Variants in RAB32 observed in about 807,000 individuals in gnomAD.
The protein encoded by RAB32 is RAB32, member RAS oncogene family.
In RAB32, 17 loss-of-function variants were observed where a neutral mutation model predicts 17.5. The ratio of observed to expected loss-of-function variants is 0.97; its 90% CI spans 0.67 to 1.46. The LOEUF (loss-of-function observed/expected upper bound fraction) is 1.46. RAB32 is among the 40% of genes most tolerant of loss of function. The pLI is 0.00. For missense variants in RAB32, 288 were observed against 284.3 expected, an observed-to-expected ratio of 1.01 and a Z score of -0.09; for synonymous variants, 115 against 111.1, an observed-to-expected ratio of 1.04 and a Z score of -0.22.
chr6:146,543,946 C>A lies in RAB32; in HGVS notation c.75C>A (p.Leu25=), dbSNP rs1158185400. The A allele has an allele frequency of 6.2e-7, 1 of 1,612,832 alleles. No individual in the cohort carries two copies. Among genetic ancestry groups the A allele is most frequent in the Non-Finnish European group, 8.5e-7 (1 of 1,179,626 alleles). The change falls in exon 1 of 3, where the codon CTC becomes CTA. Residue 25 remains leucine (L), a synonymous_variant. Transcript: ENST00000367495. The stretch of plus-strand genomic sequence containing the variant: ...CAGCGCCCGAGACCCGCGAGCACCT[C>A]TTCAAGGTGCTGGTGATCGGCGAGC... ...AAPAPETREH[L]FKVLVIGELG... is the part of the protein sequence containing the mutation.
intron 1 of RAB32, among the ~76,000 whole-genome samples, chr6:146,545,408 C>T (rs970572470): frequency 4.6e-5 from 7 of 152,168 alleles, no homozygotes; most frequent in African/African-American, 1.4e-4. Context: ...ATTCTACAGT[C>T]CCTACACTGA....
intron 2 of RAB32, among the ~76,000 whole-genome samples, chr6:146,553,777 G>A (rs1779924679): frequency 2.6e-5 from 4 of 151,872 alleles, no homozygotes. Context: ...TACTTTTTTT[G>A]CAATGTTTTT....
intron 2 of RAB32, among the ~76,000 whole-genome samples, chr6:146,554,088 C>T (rs1562732299): frequency 6.6e-6 from 1 of 152,014 alleles, no homozygotes; most frequent in African/African-American, 2.4e-5. Context: ...ACAGTGTATC[C>T]TGACTGCTTG....
Position 146,554,524 on chromosome 6 carries a change from T to C in RAB32, c.597T>C (p.Phe199=). ...AGATTCTTGTAAACCACCAAAGCTTTCCTAATGAAGAAAACGATGTGGACA... is the reference window on the plus strand; with the variant it reads ...AGATTCTTGTAAACCACCAAAGCTTCCCTAATGAAGAAAACGATGTGGACA... The part of the protein sequence containing the change: ...VEKILVNHQS[F]PNEENDVDKI... Residue 199 remains phenylalanine, a synonymous_variant, in exon 3 of 3, where the codon TTT becomes TTC. Transcript: ENST00000367495. The C allele has an allele frequency of 6.2e-7, 1 of 1,613,894 alleles. No homozygotes were observed. The highest frequency in any genetic ancestry group is 8.5e-7 in the Non-Finnish European group (1 of 1,179,852).
chr6:146,550,552 G>A (rs1223279607), intron 2 of RAB32, among the ~76,000 whole-genome samples: 5 of 151,582 alleles, frequency 3.3e-5, no homozygotes, highest in African/African-American at 1.2e-4. Flanking sequence ...AGCTTCTCGG[G>A]AGGCTAAGGC....
chr6:146,544,213 G>T, intron 1 of RAB32, 92 bp downstream of exon 1: 1 of 1,437,212 alleles, frequency 7.0e-7, no homozygotes, highest in Non-Finnish European at 9.3e-7. Flanking sequence ...GCCTGAACTC[G>T]TCTGCCTGGG....
At position 146,543,898 on chromosome 6, in the gene RAB32, C is replaced by T. The variant is rs750167796; in HGVS notation, c.27C>T (p.Pro9=). 1 of 1,565,114 alleles carries T rather than the reference C, an allele frequency of 6.4e-7. No homozygotes were observed. The highest frequency in any genetic ancestry group is 1.2e-5 in the South Asian group (1 of 86,194). Residue 9 remains proline (P), a synonymous_variant, in exon 1 of 3, where the codon CCC becomes CCT. Transcript: ENST00000367495. ...TGGCGGGCGGAGGAGCCGGGGACCC[C>T]GGCCTGGGGGCGGCCGCCGCCCCAG... MAGGGAGD[P]GLGAAAAPAP...
intron 1 of RAB32, 115 bp downstream of exon 1, chr6:146,544,236 AAG>A: frequency 7.4e-7 from 1 of 1,359,884 alleles, no homozygotes; most frequent in South Asian, 1.5e-5. Context: ...CCTTTAGGAG[AAG>A]AGAGAGGCCC....
At chr6:146,544,247 C>G (rs997326234) in intron 1 of RAB32, 126 bp downstream of exon 1, 1 of 1,290,072 alleles carries the variant, frequency 7.8e-7, no homozygotes, top group Admixed American at 3.0e-5. Flanking sequence ...AGAGAGAGGC[C>G]CAATCCAAGG....
rs927445329 is a variant in RAB32 at position 146,544,165 on chromosome 6, C to CGCCTGGCT, written c.250+45_250+52dup. 3 of 1,558,398 alleles carry CGCCTGGCT rather than the reference C, an allele frequency of 1.9e-6. No individual in the cohort carries two copies. The African/African-American group carries it at 4.1e-5, about 21-fold the overall frequency. On this transcript the variant is annotated intron_variant, in intron 1 of 2. Transcript: ENST00000367495. Reference sequence around the variant, plus strand: ...TTCCCACTCCAGAGCCCCGCCGGGCCGCCTGGCTCCTCTCTGCTTCTTTTC... The same window carrying CGCCTGGCT: ...TTCCCACTCCAGAGCCCCGCCGGGCCGCCTGGCTGCCTGGCTCCTCTCTGCTTCTTTTC...
At chr6:146,548,569 A>G (rs1456336106) in intron 1 of RAB32, among the ~76,000 whole-genome samples, 1 of 152,220 alleles carries the variant, frequency 6.6e-6, no homozygotes, top group Non-Finnish European at 1.5e-5. Context: ...AAGATAGTTC[A>G]GAAAGGCTAG....
intron 2 of RAB32, among the ~76,000 whole-genome samples, chr6:146,551,504 C>A (rs1311997760): frequency 6.6e-6 from 1 of 151,326 alleles, no homozygotes; most frequent in South Asian, 2.1e-4. Context: ...GGATTACAGG[C>A]GTGTTCTTCT....
chr6:146,550,883 T>C (rs1779889081), intron 2 of RAB32, among the ~76,000 whole-genome samples: 1 of 152,182 alleles, frequency 6.6e-6, no homozygotes, highest in Admixed American at 6.5e-5. Context: ...TTTTAGTTTA[T>C]GTTCTGTGGA....
chr6:146,548,127 A>T (rs1388025042), intron 1 of RAB32, among the ~76,000 whole-genome samples: 1 of 152,166 alleles, frequency 6.6e-6, no homozygotes, highest in East Asian at 1.9e-4. Flanking sequence ...TAATGGTCAG[A>T]TTTACATCAC....
chr6:146,552,561 C>CAT lies in RAB32; in HGVS notation c.529-1886_529-1885dup, dbSNP rs564382703. On this transcript the variant is annotated intron_variant, in intron 2 of 2. Transcript: ENST00000367495. Reference sequence around the variant, plus strand: ...ATGTGTGTGTGTGTAAGAGTATATGCATATATATATGTGAGTGTGTATAGA... The same window carrying CAT: ...ATGTGTGTGTGTGTAAGAGTATATGCATATATATATATGTGAGTGTGTATAGA... 1.5e-4 allele frequency among the ~76,000 whole-genome samples: 23 copies of CAT among 151,926 alleles called. No homozygotes were observed. The South Asian group carries it at 2.3e-3, about 15-fold the overall frequency.
chr6:146,553,849 G>C (rs1779925784), intron 2 of RAB32, among the ~76,000 whole-genome samples: 1 of 152,120 alleles, frequency 6.6e-6, no homozygotes, highest in Non-Finnish European at 1.5e-5. Context: ...CACAGTTTTT[G>C]CAATGTGTTA....
At chr6:146,544,192 T>G in intron 1 of RAB32, 71 bp downstream of exon 1, 2 of 1,486,858 alleles carry the variant, frequency 1.3e-6, no homozygotes. Context: ...CTTCTTTTCT[T>G]TTTCTTTTCT....
chr6:146,544,297 C>G (rs1370618183), intron 1 of RAB32, among the ~76,000 whole-genome samples, 176 bp downstream of exon 1: 1 of 152,010 alleles, frequency 6.6e-6, no homozygotes, highest in East Asian at 1.9e-4. Flanking sequence ...CTCGGTGGGG[C>G]CCAGAGGATG....
intron 1 of RAB32, among the ~76,000 whole-genome samples, chr6:146,544,745 C>G (rs949124988): frequency 6.6e-6 from 1 of 150,972 alleles, no homozygotes; most frequent in Admixed American, 6.6e-5. Flanking sequence ...TAAACCAACA[C>G]CTAGTCCCAT....
Sources: gnomAD v4.1 joint callset for allele counts (sites outside exome capture counted in the v4.1 genomes callset) on GRCh38, gnomAD v4.1.1 for gene constraint, MANE v1.5 for transcripts, NCBI Gene and HGNC (gene_info 2026-07-23, HGNC 2026-07-21) for gene names.